Variants in SYNE1 observed in about 807,000 individuals in gnomAD.
SYNE1 encodes the protein spectrin repeat containing nuclear envelope protein 1, also known as nesprin-1.
SYNE1 carries 616 observed loss-of-function variants against 1,111.0 expected under a neutral mutation model. The ratio of observed to expected loss-of-function variants is 0.55; its 90% confidence interval spans 0.52 to 0.59. The LOEUF is 0.59. Ranked by LOEUF, SYNE1 falls within the 20% of genes least tolerant of loss-of-function variation. SYNE1 has a pLI of 0.00. For synonymous variants in SYNE1, 3,855 were observed against 3,825.8 expected, an observed-to-expected ratio of 1.01 and a Z score of -0.28; for missense variants, 10,006 against 10,417.0, an observed-to-expected ratio of 0.96 and a Z score of 1.72.
intron 6 of SYNE1, among the ~76,000 whole-genome samples, chr6:152,511,871 C>T (rs2099086876): frequency 6.6e-6 from 1 of 152,178 alleles, no homozygotes; most frequent in Non-Finnish European, 1.5e-5. Flanking sequence ...TTTTCATCCA[C>T]TACAAAGTTG....
At chr6:152,586,190 T>C (rs1047160259) in intron 3 of SYNE1, among the ~76,000 whole-genome samples, 6 of 152,318 alleles carry the variant, frequency 3.9e-5, no homozygotes, top group Admixed American at 1.3e-4. Flanking sequence ...CTATATACCA[T>C]ATAATGTTTA....
rs754351896 is a variant in SYNE1, at chr6:152,444,576, A to C, written c.3672T>G (p.Val1224=). The C allele has an allele frequency of 2.5e-6, 4 of 1,609,466 alleles. No homozygotes were observed. In the South Asian group the frequency reaches 3.3e-5, roughly 13 times the overall value. The change falls in exon 30 of 146, where the codon GTT becomes GTG. Residue 1224 remains valine, a splice_region_variant and synonymous_variant. Transcript: ENST00000367255. The stretch of plus-strand genomic sequence containing the variant: ...CCCCAAAATTGCTTAGCATCTTTTC[A>C]ACCTATATTTTCATGAAAAAAAAAA... ...FKALVTLLSE[V]EKMLSNFGDC... is the part of the protein sequence containing the mutation.
At chr6:152,554,032 G>C (rs6916524) in intron 3 of SYNE1, among the ~76,000 whole-genome samples, 25,434 of 151,884 alleles carry the variant, frequency 0.17, 2,325 homozygotes, top group Admixed American at 0.24. Context: ...GAGAAAGGCA[G>C]ATCCCCGGGG....
intron 81 of SYNE1, among the ~76,000 whole-genome samples, chr6:152,324,249 A>G (rs1343218731): frequency 1.3e-5 from 2 of 151,972 alleles, no homozygotes; most frequent in East Asian, 3.9e-4. Context: ...AAATACAAAA[A>G]TTAACCAGGT....
chr6:152,456,203 G>T (rs1306187196), intron 22 of SYNE1, among the ~76,000 whole-genome samples, 159 bp from the exon 23 acceptor site: 1 of 151,572 alleles, frequency 6.6e-6, no homozygotes, highest in East Asian at 1.9e-4. Context: ...CATTTCAAAA[G>T]ATCTCAATTT....
At chr6:152,384,457 A>C (rs1315053972) in intron 55 of SYNE1, among the ~76,000 whole-genome samples, 1 of 152,248 alleles carries the variant, frequency 6.6e-6, no homozygotes, top group Non-Finnish European at 1.5e-5. Context: ...AAATGTATCA[A>C]AGAAGAATTT....
At chr6:152,493,541 TGCTTCTCACC>T (rs1286656931) in intron 11 of SYNE1, among the ~76,000 whole-genome samples, 1 of 152,180 alleles carries the variant, frequency 6.6e-6, no homozygotes, top group Non-Finnish European at 1.5e-5. Context: ...TCTGTCCATC[TGCTTCTCACC>T]GTATTCAATA....
chr6:152,389,219 A>T (rs964216391), intron 53 of SYNE1, among the ~76,000 whole-genome samples: 16 of 152,154 alleles, frequency 1.1e-4, no homozygotes, highest in African/African-American at 3.4e-4. Context: ...ATTTTATTGT[A>T]GGTTCAAAGG....
intron 115 of SYNE1, among the ~76,000 whole-genome samples, chr6:152,226,321 ACC>A (rs59307383): frequency 0.47 from 70,799 of 151,804 alleles, 17,106 homozygotes; most frequent in East Asian, 0.74. Flanking sequence ...TCTACTACTC[ACC>A]TACCCAAAGC....
chr6:152,611,785 A>G (rs1565186308), intron 3 of SYNE1, among the ~76,000 whole-genome samples: 2 of 152,178 alleles, frequency 1.3e-5, no homozygotes, highest in Non-Finnish European at 2.9e-5. Context: ...AAGAGAAATC[A>G]CAACAAACTG....
chr6:152,551,498 C>G (rs1255671065), intron 3 of SYNE1, among the ~76,000 whole-genome samples: 1 of 152,138 alleles, frequency 6.6e-6, no homozygotes, highest in Non-Finnish European at 1.5e-5. Flanking sequence ...GCTGTGGATG[C>G]AATCTGAGAG....
intron 3 of SYNE1, among the ~76,000 whole-genome samples, chr6:152,584,960 G>A (rs964690063): frequency 3.9e-5 from 6 of 152,044 alleles, no homozygotes; most frequent in African/African-American, 1.4e-4. Flanking sequence ...GATATGGCTT[G>A]GCTATGTCTC....
At chr6:152,359,908 T>C (rs2096903253) in intron 64 of SYNE1, among the ~76,000 whole-genome samples, 1 of 151,604 alleles carries the variant, frequency 6.6e-6, no homozygotes, top group Admixed American at 6.6e-5. Context: ...TAGCTCTCCG[T>C]CCTCTAAACC....
intron 3 of SYNE1, among the ~76,000 whole-genome samples, chr6:152,593,648 C>G (rs1023105548): frequency 2.0e-5 from 3 of 152,052 alleles, no homozygotes; most frequent in Non-Finnish European, 4.4e-5. Flanking sequence ...TAGTTGTGAT[C>G]TCAGTGCATT....
rs1280207373 is a variant in SYNE1, at chr6:152,611,291, A to T, written c.67+16974T>A. 4.7e-5 allele frequency among the ~76,000 whole-genome samples: 7 copies of T among 148,596 alleles called. No individual in the cohort carries two copies. In the Admixed American group the frequency reaches 4.7e-4, roughly 10 times the overall value. On this transcript the variant is annotated intron_variant, in intron 3 of 145. Coordinates refer to ENST00000367255, the MANE Select transcript of SYNE1 (RefSeq NM_182961.4). ...ACACACATAGGCTCAAAATAAAGGG[A>T]TGGAGGAAGATCTACCAAGCAAATG...
At chr6:152,137,156 A>G (rs1277611816) in intron 140 of SYNE1, among the ~76,000 whole-genome samples, 1 of 152,206 alleles carries the variant, frequency 6.6e-6, no homozygotes, top group Non-Finnish European at 1.5e-5. Context: ...GGTCTGCCAC[A>G]TATTTCAGAA....
intron 63 of SYNE1, among the ~76,000 whole-genome samples, chr6:152,363,051 T>C (rs939398453): frequency 2.6e-5 from 4 of 151,618 alleles, no homozygotes; most frequent in Admixed American, 6.5e-5. Flanking sequence ...CGGCTAATTT[T>C]TTTGTACTTT....
chr6:152,526,019 T>C (rs1179005343), intron 5 of SYNE1, 61 bp downstream of exon 5: 24 of 1,506,016 alleles, frequency 1.6e-5, no homozygotes, highest in Non-Finnish European at 2.0e-5. Flanking sequence ...CTCAACTCCA[T>C]AGTCCCCAAA....
chr6:152,209,703 T>G (rs1413657646), intron 124 of SYNE1, among the ~76,000 whole-genome samples: 1 of 150,670 alleles, frequency 6.6e-6, no homozygotes, highest in Non-Finnish European at 1.5e-5. Context: ...TGAGCCGAGA[T>G]AGCGCCACTT....
Sources: gnomAD v4.1 joint callset for allele counts (sites outside exome capture counted in the v4.1 genomes callset) on GRCh38, gnomAD v4.1.1 for gene constraint, MANE v1.5 for transcripts, NCBI Gene and HGNC (gene_info 2026-07-23, HGNC 2026-07-21) for gene names.